CHI3L1: variants seen among roughly 807,000 people sequenced by gnomAD.
CHI3L1 encodes the protein chitinase 3 like 1.
Under a neutral mutation model 40.7 loss-of-function variants are expected in CHI3L1, and 30 were observed. That is an observed-to-expected ratio of 0.74 (90% CI 0.55 to 1.00). The LOEUF (loss-of-function observed/expected upper bound fraction) is 1.00. Ranked by LOEUF, CHI3L1 falls within the 50% of genes least tolerant of loss-of-function variation. The pLI is 0.00. For missense variants in CHI3L1, 493 were observed against 492.2 expected (o/e 1.00, Z -0.01); for synonymous variants, 210 against 192.1 (o/e 1.09, Z -0.77).
chr1:203,184,667 G>A (rs1656018719), intron 3 of CHI3L1, 35 bp from the exon 4 acceptor site: 3 of 1,581,806 alleles, frequency 1.9e-6, no homozygotes, highest in Non-Finnish European at 2.6e-6. Context: ...GGGCAGGAGT[G>A]GAATGACATT....
chr1:203,182,714 TG>T lies in CHI3L1; in HGVS notation c.587+16del, dbSNP rs1415362884. The T allele has an allele frequency of 6.2e-7, 1 of 1,613,648 alleles. No homozygotes were observed. The highest frequency in any genetic ancestry group is 2.2e-5 in the East Asian group (1 of 44,894). ...TGGCAGAGGTTCTGGGGAGGCTGCC[TG>T]GGGCAGGAGACTCACTGGGATATCT... On this transcript the variant is annotated intron_variant, in intron 6 of 9. Coordinates refer to ENST00000255409, the MANE Select transcript of CHI3L1 (RefSeq NM_001276.4).
Position 203,179,163 on chromosome 1 carries a change from C to T in CHI3L1, c.*282G>A, listed in dbSNP as rs1427605916. On this transcript the variant is annotated 3_prime_UTR_variant, in exon 10 of 10. Coordinates refer to ENST00000255409, the MANE Select transcript of CHI3L1 (RefSeq NM_001276.4). ...GCAGGGAGTTGAAGAAATTCCCTTG[C>T]CAGGCTTGGGGATCTGTAAACATTT... is the stretch of plus-strand genomic sequence containing the variant. 2 of 278,668 alleles carry T rather than the reference C, an allele frequency of 7.2e-6. No homozygotes were observed. Among genetic ancestry groups the T allele is most frequent in the African/African-American group, 2.2e-5 (1 of 45,802 alleles). 17.3% of individuals were successfully genotyped at this position (278,668 alleles called of 1,614,324 possible).
chr1:203,180,499 T>A lies in CHI3L1; in HGVS notation c.865A>T (p.Lys289Ter), dbSNP rs199579588. 2.6e-5 allele frequency: 42 copies of A among 1,602,228 alleles called. No homozygotes were observed. The highest frequency in any genetic ancestry group is 3.4e-5 in the Non-Finnish European group (40 of 1,175,824). Residue 289 changes from lysine (K) to a stop codon, truncating the protein, a stop_gained, in exon 8 of 10, where the codon AAG (lysine) becomes TAG (stop). Transcript: ENST00000255409. LOFTEE classifies it high-confidence loss of function. ...TAGTAGGCAAGGGTCCCTGCCTCCT[T>A]GGTGAACCGGCCTGGAATTCCCGGT... ...SGPGIPGRFT[K>*]EAGTLAYYEI...
At position 203,179,449 on chromosome 1, in the gene CHI3L1, G is replaced by C. The variant is rs761469662; in HGVS notation, c.1148C>G (p.Thr383Arg). Reference sequence around the variant, plus strand: ...TGCTGTGTGCAGAACAGAGGGCTACGTTGCAGCGAGTGCATCCTTGATGGC... The same window carrying C: ...TGCTGTGTGCAGAACAGAGGGCTACCTTGCAGCGAGTGCATCCTTGATGGC... ...TNAIKDALAA[T>R] The change falls in exon 10 of 10, where the codon ACG becomes AGG. Residue 383 changes from threonine to arginine, a missense_variant. Physicochemically the swap from Thr to Arg is moderately conservative, Grantham distance 71. Coordinates refer to ENST00000255409, the MANE Select transcript of CHI3L1 (RefSeq NM_001276.4). The C allele has an allele frequency of 4.6e-6, 7 of 1,535,686 alleles. No individual in the cohort carries two copies. In the East Asian group the frequency reaches 6.8e-5, roughly 15 times the overall value.
At position 203,183,730 on chromosome 1, in the gene CHI3L1, A is replaced by G. The variant is rs1402149115; in HGVS notation, c.376T>C (p.Phe126Leu). Reference sequence around the variant, plus strand: ...CCATCAAAGCCATGGGTGCGCAGAAATGGCGGTACTGACTTGATGAAAGTC... The same window carrying G: ...CCATCAAAGCCATGGGTGCGCAGAAGTGGCGGTACTGACTTGATGAAAGTC... Reference protein sequence around the residue: ...RRTFIKSVPPFLRTHGFDGLD... With the variant: ...RRTFIKSVPPLLRTHGFDGLD... The change falls in exon 5 of 10, where the codon TTT (phenylalanine) becomes CTT (leucine). Residue 126 changes from phenylalanine to leucine, a missense_variant. Phe to Leu is a conservative substitution (Grantham distance 22). Transcript: ENST00000255409. The G allele has an allele frequency of 2.5e-6, 4 of 1,614,192 alleles. No homozygotes were observed.
intron 5 of CHI3L1, 121 bp downstream of exon 5, chr1:203,183,520 C>A (rs1398194903): frequency 3.9e-6 from 4 of 1,022,352 alleles, no homozygotes; most frequent in Non-Finnish European, 5.9e-6. Flanking sequence ...CAGGACACTG[C>A]CCTGAGGCTG....
At position 203,179,529 on chromosome 1, in the gene CHI3L1, C is replaced by T. The variant is rs781387316; in HGVS notation, c.1068G>A (p.Leu356=). 6 of 1,596,328 alleles carry T rather than the reference C, an allele frequency of 3.8e-6. No homozygotes were observed. Among genetic ancestry groups the T allele is most frequent in the African/African-American group, 1.3e-5 (1 of 74,322 alleles). Residue 356 remains leucine (L), a synonymous_variant, in exon 10 of 10, where the codon CTG becomes CTA. Transcript: ENST00000255409. ...CACAGAAGGAGCCCTGGAAGTCATC[C>T]AGGTCCAGGGCCCATACCATGGCGC... ...LAGAMVWALD[L]DDFQGSFCGQ...
intron 5 of CHI3L1, 57 bp from the exon 6 acceptor site, chr1:203,182,909 T>A: frequency 3.1e-6 from 5 of 1,592,656 alleles, no homozygotes; most frequent in Non-Finnish European, 4.3e-6. Context: ...AGAGGTAGAC[T>A]CATCGAGGGC....
chr1:203,179,906 T>TGG lies in CHI3L1; in HGVS notation c.895-31_895-30dup, dbSNP rs1442748639. On this transcript the variant is annotated intron_variant, in intron 8 of 9. Coordinates refer to ENST00000255409, the MANE Select transcript of CHI3L1 (RefSeq NM_001276.4). Reference sequence around the variant, plus strand: ...AGCAGATAACAGGGAAAAGGCAGTGTGGGGAGTCGTGCCGAGACCTTGCAG... The same window carrying TGG: ...AGCAGATAACAGGGAAAAGGCAGTGTGGGGGGAGTCGTGCCGAGACCTTGCAG... The TGG allele has an allele frequency of 5.6e-6, 9 of 1,608,360 alleles. No individual in the cohort carries two copies. The Admixed American group carries it at 1.5e-4, about 27-fold the overall frequency.
At chr1:203,183,319 A>G (rs557587987) in intron 5 of CHI3L1, among the ~76,000 whole-genome samples, 1 of 152,326 alleles carries the variant, frequency 6.6e-6, no homozygotes, top group Non-Finnish European at 1.5e-5. Context: ...TGCTGGACAC[A>G]GTGCATGCTG....
At chr1:203,186,447 C>CCCT in intron 1 of CHI3L1, 102 bp from the exon 2 acceptor site, 2 of 1,487,194 alleles carry the variant, frequency 1.3e-6, no homozygotes, top group South Asian at 2.4e-5. Context: ...CCCCCACCTC[C>CCCT]TGGTTGCAGC....
intron 5 of CHI3L1, 95 bp from the exon 6 acceptor site, chr1:203,182,947 C>A: frequency 7.6e-7 from 1 of 1,322,882 alleles, no homozygotes; most frequent in Admixed American, 2.0e-5. Context: ...AACCCATTTG[C>A]TGTACTCCCC....
At chr1:203,179,924 C>A in intron 8 of CHI3L1, 47 bp from the exon 9 acceptor site, 3 of 1,573,824 alleles carry the variant, frequency 1.9e-6, no homozygotes, top group Non-Finnish European at 1.7e-6. Context: ...CGTGCCGAGA[C>A]CTTGCAGGTC....
At position 203,182,673 on chromosome 1, in the gene CHI3L1, G is replaced by A. The variant is rs893875985; in HGVS notation, c.587+58C>T. 5 of 1,606,326 alleles carry A rather than the reference G, an allele frequency of 3.1e-6. 1 individual carries two copies. The highest frequency in any genetic ancestry group is 1.7e-5 in the Admixed American group (1 of 59,952). ...ATGGAGTGCTAGGGCTGGGGGTGGC[G>A]GGGAAACAGGAGTGTTGGCAGAGGT... is the stretch of plus-strand genomic sequence containing the variant. On this transcript the variant is annotated intron_variant, in intron 6 of 9. Coordinates refer to ENST00000255409, the MANE Select transcript of CHI3L1 (RefSeq NM_001276.4).
At chr1:203,183,909 G>A in intron 4 of CHI3L1, 118 bp from the exon 5 acceptor site, 1 of 1,131,654 alleles carries the variant, frequency 8.8e-7, no homozygotes, top group Non-Finnish European at 1.3e-6. Context: ...AGCTCTGGGA[G>A]GGCATGATTG....
At chr1:203,185,467 G>A (rs1656037266) in intron 2 of CHI3L1, 82 bp from the exon 3 acceptor site, 3 of 1,245,302 alleles carry the variant, frequency 2.4e-6, no homozygotes, top group South Asian at 1.2e-5. Context: ...GCACCAATGG[G>A]GTGTGGGGTT....
chr1:203,181,139 C>T, intron 7 of CHI3L1, 23 bp downstream of exon 7: 4 of 1,612,908 alleles, frequency 2.5e-6, no homozygotes, highest in Non-Finnish European at 3.4e-6. Context: ...CCCTCCTGGC[C>T]CTCCCTCCTT....
At chr1:203,186,187 A>G (rs1656051267) in intron 2 of CHI3L1, 129 bp downstream of exon 2, 2 of 944,258 alleles carry the variant, frequency 2.1e-6, no homozygotes, top group Non-Finnish European at 3.4e-6. Flanking sequence ...AAACGTGACT[A>G]TTTCGAAGTC....
chr1:203,182,993 C>G, intron 5 of CHI3L1, 141 bp from the exon 6 acceptor site: 1 of 830,570 alleles, frequency 1.2e-6, no homozygotes, highest in Admixed American at 2.5e-5. Flanking sequence ...GATAAAGTGG[C>G]TCATCAGTGG....
Sources: gnomAD v4.1 joint callset for allele counts (sites outside exome capture counted in the v4.1 genomes callset) on GRCh38, gnomAD v4.1.1 for gene constraint, MANE v1.5 for transcripts, NCBI Gene and HGNC (gene_info 2026-07-23, HGNC 2026-07-21) for gene names.